Variants in UNC13B observed in about 807,000 individuals in gnomAD.
UNC13B encodes protein unc-13 homolog B.
In UNC13B, 144 loss-of-function variants were observed where a neutral mutation model predicts 211.0. The ratio of observed to expected loss-of-function variants is 0.68; its 90% CI spans 0.60 to 0.78. The LOEUF (loss-of-function observed/expected upper bound fraction) is 0.78. Among genes scored for constraint, UNC13B ranks in the 30% least tolerant of loss-of-function variants. The probability of loss-of-function intolerance (pLI) is 0.00; values close to 1 mark genes in which losing one functional copy is unlikely to be tolerated. For missense variants in UNC13B, 1,777 were observed against 2,002.0 expected (o/e 0.89, Z 2.14); for synonymous variants, 709 against 725.8 (o/e 0.98, Z 0.37).
At chr9:35,320,926 T>A (rs1441070517) in intron 11 of UNC13B, among the ~76,000 whole-genome samples, 1 of 152,200 alleles carries the variant, frequency 6.6e-6, no homozygotes, top group Admixed American at 6.5e-5. Context: ...CATGTGCTTC[T>A]TTATCTTCTA....
intron 1 of UNC13B, among the ~76,000 whole-genome samples, chr9:35,198,661 G>A (rs1350230117): frequency 6.6e-6 from 1 of 152,024 alleles, no homozygotes; most frequent in Non-Finnish European, 1.5e-5. Flanking sequence ...GAAGGATGAG[G>A]GAAAAATTGG....
intron 11 of UNC13B, among the ~76,000 whole-genome samples, chr9:35,317,745 C>T (rs1464114288): frequency 6.7e-6 from 1 of 148,154 alleles, no homozygotes; most frequent in Non-Finnish European, 1.5e-5. Context: ...CCATGTTGGC[C>T]AGGCTGGTCT....
At chr9:35,193,475 C>T (rs957894925) in intron 1 of UNC13B, among the ~76,000 whole-genome samples, 7 of 151,662 alleles carry the variant, frequency 4.6e-5, no homozygotes, top group African/African-American at 1.5e-4. Flanking sequence ...GGTGAAACCC[C>T]GTCTCTACTA....
At chr9:35,250,867 G>T (rs1419715977) in intron 6 of UNC13B, among the ~76,000 whole-genome samples, 1 of 151,080 alleles carries the variant, frequency 6.6e-6, no homozygotes, top group Non-Finnish European at 1.5e-5. Flanking sequence ...TAGCATGTAT[G>T]AAGTGGTCTC....
chr9:35,237,693 T>C lies in UNC13B; in HGVS notation c.271-10T>C. On this transcript the variant is annotated splice_polypyrimidine_tract_variant and intron_variant, in intron 4 of 39. Coordinates refer to ENST00000635942, the MANE Select transcript of UNC13B (RefSeq NM_001371189.2). ...AGATTAAACTTTAATCTTAGATCTTTGTTTCCTAGGAAGGGCCTGGGGAAT... is the reference window on the plus strand; with the variant it reads ...AGATTAAACTTTAATCTTAGATCTTCGTTTCCTAGGAAGGGCCTGGGGAAT... 1 of 1,609,640 alleles carries C rather than the reference T, an allele frequency of 6.2e-7. No individual in the cohort carries two copies. Among genetic ancestry groups the C allele is most frequent in the Non-Finnish European group, 8.5e-7 (1 of 1,179,040 alleles).
At chr9:35,376,007 G>T (rs370604099) in intron 14 of UNC13B, 21 bp from the exon 15 acceptor site, 21 of 1,612,710 alleles carry the variant, frequency 1.3e-5, no homozygotes, top group Non-Finnish European at 1.8e-5. Flanking sequence ...AAAATCATGG[G>T]ATGGGGTATG....
At chr9:35,254,591 G>T (rs1346590868) in intron 6 of UNC13B, among the ~76,000 whole-genome samples, 1 of 151,812 alleles carries the variant, frequency 6.6e-6, no homozygotes, top group Non-Finnish European at 1.5e-5. Context: ...TCTCCATGTA[G>T]GTATTATACT....
rs1273223688 is a variant in UNC13B at position 35,306,603 on chromosome 9, A to C, written c.7199A>C (p.Lys2400Thr). The C allele has an allele frequency of 3.8e-5, 15 of 398,886 alleles. No individual in the cohort carries two copies. Among genetic ancestry groups the C allele is most frequent in the Non-Finnish European group, 2.2e-5 (5 of 226,074 alleles). 24.7% of individuals were successfully genotyped at this position (398,886 alleles called of 1,614,324 possible). A position where few individuals can be genotyped will look rare whatever the true frequency, so the allele number is the denominator to read the frequency against. Residue 2400 changes from lysine (K) to threonine (T), a missense_variant, in exon 9 of 40, where the codon AAA becomes ACA. Transcript: ENST00000635942. Reference sequence around the variant, plus strand: ...TGTACTAACTGCCACCAAAATGAGAAATTTACTACTGACCCAGTGAACTTG... The same window carrying C: ...TGTACTAACTGCCACCAAAATGAGACATTTACTACTGACCCAGTGAACTTG... ...DTCTNCHQNE[K>T]FTTDPVNLPL...
At chr9:35,400,749 A>G (rs1836245521) in intron 37 of UNC13B, among the ~76,000 whole-genome samples, 1 of 152,200 alleles carries the variant, frequency 6.6e-6, no homozygotes, top group African/African-American at 2.4e-5. Context: ...AGAATGAAAA[A>G]TCTGTGAGGA....
At chr9:35,336,772 G>C (rs532430074) in intron 11 of UNC13B, among the ~76,000 whole-genome samples, 21 of 152,246 alleles carry the variant, frequency 1.4e-4, no homozygotes, top group African/African-American at 4.3e-4. Context: ...TGAGGGTTAG[G>C]ATTTTAACAT....
chr9:35,177,128 TA>T (rs1336279913), intron 1 of UNC13B, among the ~76,000 whole-genome samples: 2 of 151,004 alleles, frequency 1.3e-5, no homozygotes, highest in Non-Finnish European at 3.0e-5. Flanking sequence ...TAAAAAAAAT[TA>T]AAAAAAAATT....
intron 7 of UNC13B, among the ~76,000 whole-genome samples, chr9:35,278,741 G>C (rs1828315454): frequency 6.6e-6 from 1 of 150,490 alleles, no homozygotes; most frequent in Non-Finnish European, 1.5e-5. Flanking sequence ...TTTATTTTTT[G>C]AAAGGAAACA....
chr9:35,261,065 C>T (rs902269346), intron 7 of UNC13B, among the ~76,000 whole-genome samples: 3 of 152,048 alleles, frequency 2.0e-5, no homozygotes, highest in East Asian at 1.9e-4. Flanking sequence ...CCTGCTCCCT[C>T]GTATATTTTT....
chr9:35,299,837 C>G (rs984570641), intron 8 of UNC13B, among the ~76,000 whole-genome samples: 3 of 151,794 alleles, frequency 2.0e-5, no homozygotes, highest in African/African-American at 7.3e-5. Context: ...CTTTATTGTT[C>G]CTCCAATTTT....
chr9:35,389,503 C>G (rs1317401989), intron 24 of UNC13B, among the ~76,000 whole-genome samples: 3 of 152,126 alleles, frequency 2.0e-5, no homozygotes, highest in Non-Finnish European at 2.9e-5. Context: ...AGAAGTAGAC[C>G]TATTTAGTAA....
intron 7 of UNC13B, among the ~76,000 whole-genome samples, chr9:35,282,668 C>G (rs1828569060): frequency 6.6e-6 from 1 of 152,124 alleles, no homozygotes; most frequent in Non-Finnish European, 1.5e-5. Flanking sequence ...CTCCTGACCT[C>G]AGGTGATCTG....
intron 1 of UNC13B, among the ~76,000 whole-genome samples, chr9:35,164,058 C>T (rs146392046): frequency 0.011 from 1,625 of 152,108 alleles, 34 homozygotes; most frequent in African/African-American, 0.037. Flanking sequence ...ATTCTGTCAC[C>T]CAGGCTGGAG....
chr9:35,275,579 G>A (rs189573484), intron 7 of UNC13B, among the ~76,000 whole-genome samples: 329 of 152,124 alleles, frequency 2.2e-3, no homozygotes, highest in Non-Finnish European at 3.9e-3. Context: ...TCCATCCTTT[G>A]AATTGGTTTT....
rs191474693 is a variant in UNC13B at position 35,240,304 on chromosome 9, A to G, written c.394+2478A>G. Among the ~76,000 whole-genome samples, 429 of 152,146 alleles carry G rather than the reference A, an allele frequency of 2.8e-3. 4 individuals are homozygous for G. The highest frequency in any genetic ancestry group is 2.2e-3 in the Admixed American group (33 of 15,266). On this transcript the variant is annotated intron_variant, in intron 5 of 39. Coordinates refer to ENST00000635942, the MANE Select transcript of UNC13B (RefSeq NM_001371189.2). The stretch of plus-strand genomic sequence containing the variant: ...GTTTTATTTTAATTTTTTACTGTTC[A>G]TATTATTGATATTTGCATATTCTAT...
Sources: gnomAD v4.1 joint callset for allele counts (sites outside exome capture counted in the v4.1 genomes callset) on GRCh38, gnomAD v4.1.1 for gene constraint, MANE v1.5 for transcripts, NCBI Gene and HGNC (gene_info 2026-07-23, HGNC 2026-07-21) for gene names.